The following EHBP1 variants were observed in gnomAD, a reference collection of about 807,000 sequenced individuals.
The protein encoded by EHBP1 is EH domain-binding protein 1.
EHBP1 carries 55 observed loss-of-function variants against 144.0 expected under a neutral mutation model. That is an observed-to-expected ratio of 0.38 (90% confidence interval 0.31 to 0.48). The LOEUF is 0.48. Ranked by LOEUF, EHBP1 falls within the 20% of genes least tolerant of loss-of-function variation. The pLI is 0.98. For synonymous variants in EHBP1, 469 were observed against 472.7 expected (o/e 0.99, Z 0.10); for missense variants, 1,200 against 1,364.2 (o/e 0.88, Z 1.90).
At chr2:62,838,129 T>C (rs2047450083) in intron 7 of EHBP1, among the ~76,000 whole-genome samples, 1 of 151,680 alleles carries the variant, frequency 6.6e-6, no homozygotes, top group African/African-American at 2.4e-5. Context: ...ACAGACATTA[T>C]AACAAACTAT....
chr2:62,811,076 A>G (rs890815968), intron 5 of EHBP1, among the ~76,000 whole-genome samples: 2 of 152,186 alleles, frequency 1.3e-5, no homozygotes, highest in African/African-American at 4.8e-5. Context: ...ATTTTTTAAG[A>G]CAAAAGCTAG....
chr2:63,033,515 TTG>T (rs2061342471), intron 19 of EHBP1, among the ~76,000 whole-genome samples: 1 of 152,200 alleles, frequency 6.6e-6, no homozygotes. Flanking sequence ...TCAGCTAAAA[TTG>T]TTTTATTCCT....
chr2:62,729,355 A>G (rs2037174800), intron 2 of EHBP1, among the ~76,000 whole-genome samples: 1 of 127,990 alleles, frequency 7.8e-6, no homozygotes, highest in East Asian at 2.0e-4. Flanking sequence ...ATATATAATA[A>G]TAAATATAAT....
rs369205504 is a variant in EHBP1, at chr2:62,859,857, A to C, written c.757+566A>C. Among the ~76,000 whole-genome samples the C allele has an allele frequency of 2.0e-4, 30 of 152,222 alleles. 1 individual carries two copies. Among genetic ancestry groups the C allele is most frequent in the African/African-American group, 6.7e-4 (28 of 41,536 alleles). ...AGTTTTGAACTCATAAAGCCTGGCT[A>C]AGGGCTGTTACAGAAGTGAGACTTC... On this transcript the variant is annotated intron_variant, in intron 8 of 22. Transcript: ENST00000431489.
intron 10 of EHBP1, among the ~76,000 whole-genome samples, chr2:62,942,241 A>G (rs1368227639): frequency 2.0e-5 from 3 of 152,176 alleles, no homozygotes; most frequent in Non-Finnish European, 4.4e-5. Context: ...TAAAATGCAT[A>G]TATGATTACT....
chr2:62,798,105 G>A (rs866505760), intron 5 of EHBP1, among the ~76,000 whole-genome samples: 6 of 152,154 alleles, frequency 3.9e-5, no homozygotes, highest in South Asian at 2.1e-4. Context: ...GGTGGCTCAC[G>A]CCTGTAATCC....
At chr2:62,753,226 G>T (rs889011832) in intron 3 of EHBP1, among the ~76,000 whole-genome samples, 1 of 152,116 alleles carries the variant, frequency 6.6e-6, no homozygotes, top group African/African-American at 2.4e-5. Flanking sequence ...GCATTTGCTT[G>T]TCTGTAAAGT....
chr2:63,014,942 C>T (rs961719422), intron 19 of EHBP1, among the ~76,000 whole-genome samples: 1 of 152,070 alleles, frequency 6.6e-6, no homozygotes, highest in African/African-American at 2.4e-5. Context: ...CACGCCATTG[C>T]ACTCCAACCG....
In EHBP1 at chr2:62,686,398, C is replaced by T. The variant is rs1284793005; in HGVS notation, c.-296+12315C>T. ...TCTTGCAGAGAGTGGTGTTTCCCTG[C>T]ACTTCTTCCTCTCCCTATATTTTCA... On this transcript the variant is annotated intron_variant, in intron 1 of 22. Coordinates refer to the EHBP1 transcript ENST00000405015. Among the ~76,000 whole-genome samples the T allele has an allele frequency of 2.6e-5, 4 of 152,188 alleles. No homozygotes were observed. The East Asian group carries it at 7.7e-4, about 29-fold the overall frequency.
chr2:62,903,230 T>C (rs1213454874), intron 10 of EHBP1, among the ~76,000 whole-genome samples: 1 of 152,218 alleles, frequency 6.6e-6, no homozygotes, highest in Non-Finnish European at 1.5e-5. Context: ...AATTACATGC[T>C]AAGTCTTAAA....
At chr2:62,881,465 GGAAGGA>G (rs1190866685) in intron 10 of EHBP1, among the ~76,000 whole-genome samples, 5 of 150,080 alleles carry the variant, frequency 3.3e-5, no homozygotes, top group African/African-American at 1.2e-4. Flanking sequence ...GAAAGGAAGG[GGAAGGA>G]GAAGGGGAAG....
rs549493264 is a variant in EHBP1 at position 62,852,301 on chromosome 2, A to G, written c.635-6868A>G. On this transcript the variant is annotated intron_variant, in intron 7 of 22. Transcript: ENST00000431489. Reference sequence around the variant, plus strand: ...TAGGAATATAGGACTAATAAATAATACTAAGATACATGATAAAATGTGGAT... The same window carrying G: ...TAGGAATATAGGACTAATAAATAATGCTAAGATACATGATAAAATGTGGAT... Among the ~76,000 whole-genome samples, 209 of 152,002 alleles carry G rather than the reference A, an allele frequency of 1.4e-3. 1 individual carries two copies. The highest frequency in any genetic ancestry group is 4.9e-3 in the African/African-American group (205 of 41,592).
At chr2:62,892,331 A>G (rs750136601) in intron 10 of EHBP1, among the ~76,000 whole-genome samples, 5 of 152,150 alleles carry the variant, frequency 3.3e-5, no homozygotes, top group Non-Finnish European at 5.9e-5. Context: ...TGTGAAGACC[A>G]TTCACATATA....
In EHBP1 at chr2:62,675,347, T is replaced by C. The variant is rs1376376680; in HGVS notation, c.-296+1264T>C. 2.0e-5 allele frequency among the ~76,000 whole-genome samples: 3 copies of C among 152,138 alleles called. No homozygotes were observed. In the East Asian group the frequency reaches 5.8e-4, roughly 29 times the overall value. ...TTGTAATTCATCTGCCTCTACAGAA[T>C]GCATTTTACTAAGTGACTTTAAAGT... On this transcript the variant is annotated intron_variant, in intron 1 of 22. Coordinates refer to the EHBP1 transcript ENST00000405015.
chr2:63,045,347 G>A lies in EHBP1; in HGVS notation c.3393-63G>A. 1.3e-6 allele frequency: 2 copies of A among 1,516,650 alleles called. No homozygotes were observed. The highest frequency in any genetic ancestry group is 1.1e-5 in the South Asian group (1 of 87,746). 93.9% of individuals were successfully genotyped at this position (1,516,650 alleles called of 1,614,324 possible). A position where few individuals can be genotyped will look rare whatever the true frequency, so the allele number is the denominator to read the frequency against. Reference sequence around the variant, plus strand: ...AAATACTGGGCGACGGGGGAGTGCTGCTCTGCCCTCCACGAAGAAAAATAA... The same window carrying A: ...AAATACTGGGCGACGGGGGAGTGCTACTCTGCCCTCCACGAAGAAAAATAA... On this transcript the variant is annotated intron_variant, in intron 22 of 22. Coordinates refer to ENST00000431489, the MANE Select transcript of EHBP1 (RefSeq NM_001142616.3). The surrounding 1 kb of genome is among the most constrained non-coding windows in gnomAD (Gnocchi z 5.7).
At chr2:62,743,913 T>C (rs2152120929) in intron 2 of EHBP1, among the ~76,000 whole-genome samples, 1 of 152,242 alleles carries the variant, frequency 6.6e-6, no homozygotes, top group South Asian at 2.1e-4. Context: ...CCTAGCCTCT[T>C]TCTTCCTTTC....
At chr2:62,920,353 A>G (rs1235430280) in intron 10 of EHBP1, among the ~76,000 whole-genome samples, 1 of 152,206 alleles carries the variant, frequency 6.6e-6, no homozygotes, top group Non-Finnish European at 1.5e-5. Context: ...AAAACTGCCA[A>G]CCAAGAATCC....
At chr2:62,725,622 G>T (rs1399895266) in intron 2 of EHBP1, among the ~76,000 whole-genome samples, 1 of 152,204 alleles carries the variant, frequency 6.6e-6, no homozygotes, top group African/African-American at 2.4e-5. Context: ...TGGTGGGGGT[G>T]GAGTTGGATG....
intron 2 of EHBP1, among the ~76,000 whole-genome samples, chr2:62,726,340 A>G (rs1280549289): frequency 6.6e-6 from 1 of 152,218 alleles, no homozygotes; most frequent in Non-Finnish European, 1.5e-5. Context: ...CAACTCACCC[A>G]GTCTCCTGGA....
Sources: gnomAD v4.1 joint callset for allele counts (sites outside exome capture counted in the v4.1 genomes callset) on GRCh38, gnomAD v4.1.1 for gene constraint, Gnocchi (gnomAD v3.1) non-coding constraint, MANE v1.5 for transcripts, NCBI Gene and HGNC (gene_info 2026-07-23, HGNC 2026-07-21) for gene names.